Variants in ROBO2 observed in about 807,000 individuals in gnomAD.
The protein encoded by ROBO2 is roundabout guidance receptor 2.
In ROBO2, 53 loss-of-function variants were observed where a neutral mutation model predicts 160.8. That is an observed-to-expected ratio of 0.33 (90% confidence interval 0.26 to 0.41). ROBO2 has a LOEUF of 0.41. ROBO2 is among the 10% of genes least tolerant of loss of function. The pLI, the probability that ROBO2 is intolerant of heterozygous loss-of-function variation, is 1.00. For synonymous variants in ROBO2, 664 were observed against 611.7 expected (o/e 1.09, Z -1.26); for missense variants, 1,577 against 1,722.4 (o/e 0.92, Z 1.49).
At chr3:76,358,554 G>A (rs1259539028) in intron 2 of ROBO2, among the ~76,000 whole-genome samples, 1 of 151,972 alleles carries the variant, frequency 6.6e-6, no homozygotes, top group East Asian at 1.9e-4. Context: ...AATAAAGCAT[G>A]TTAGGATATT....
Position 76,336,419 on chromosome 3 carries a change from G to A in ROBO2, c.109+398817G>A, listed in dbSNP as rs564061444. On this transcript the variant is annotated intron_variant, in intron 2 of 26. Coordinates refer to the ROBO2 transcript ENST00000487694. The stretch of plus-strand genomic sequence containing the variant: ...CTATAAAGGAATAAGAAAATGGGTA[G>A]TGGTGGATAAATGGCAGTCTCTGCT... Among the ~76,000 whole-genome samples the A allele has an allele frequency of 2.7e-4, 41 of 152,318 alleles. 1 individual carries two copies. The highest frequency in any genetic ancestry group is 9.6e-4 in the African/African-American group (40 of 41,576).
chr3:77,128,784 A>G lies in ROBO2; in HGVS notation c.388+30444A>G, dbSNP rs181216184. Among the ~76,000 whole-genome samples, 387 of 152,322 alleles carry G rather than the reference A, an allele frequency of 2.5e-3. 1 individual carries two copies. Among genetic ancestry groups the G allele is most frequent in the African/African-American group, 9.0e-3 (374 of 41,576 alleles). ...TATGAACTATGAAGAACATACCGTG[A>G]TACAAATCCTTGTGCTCAACCTTGG... On this transcript the variant is annotated intron_variant, in intron 2 of 25. Transcript: ENST00000461745.
At chr3:76,436,176 A>C (rs1387723188) in intron 2 of ROBO2, among the ~76,000 whole-genome samples, 1 of 150,650 alleles carries the variant, frequency 6.6e-6, no homozygotes, top group Admixed American at 6.6e-5. Context: ...ACACACACAC[A>C]CACACCATTT....
chr3:76,058,066 A>G (rs2107855739), intron 2 of ROBO2, among the ~76,000 whole-genome samples: 1 of 151,222 alleles, frequency 6.6e-6, no homozygotes, highest in South Asian at 2.1e-4. Flanking sequence ...TATAAGGTTC[A>G]GAATTGTACT....
At chr3:76,010,486 C>G (rs1340148183) in intron 2 of ROBO2, among the ~76,000 whole-genome samples, 1 of 152,198 alleles carries the variant, frequency 6.6e-6, no homozygotes, top group Non-Finnish European at 1.5e-5. Context: ...CATTCATGAC[C>G]TTCAAACAGC....
chr3:76,005,663 C>G lies in ROBO2; in HGVS notation c.109+68061C>G, dbSNP rs2066000466. ...CCTCTCTATATAGATACCCCTAATT[C>G]AGGCTTCAGGGGCTAATAAGTGTTT... On this transcript the variant is annotated intron_variant, in intron 2 of 26. Transcript: ENST00000487694. Among the ~76,000 whole-genome samples the G allele has an allele frequency of 2.0e-5, 3 of 152,142 alleles. No individual in the cohort carries two copies. The South Asian group carries it at 6.2e-4, about 32-fold the overall frequency.
At chr3:77,215,106 C>T (rs1204408464) in intron 2 of ROBO2, among the ~76,000 whole-genome samples, 1 of 152,062 alleles carries the variant, frequency 6.6e-6, no homozygotes, top group Non-Finnish European at 1.5e-5. Context: ...CTCTGTATTT[C>T]CTGAATTTGA....
intron 2 of ROBO2, chr3:77,316,744 G>T (rs2064033847): frequency 1.1e-6 from 1 of 943,804 alleles, no homozygotes; most frequent in African/African-American, 1.6e-5. Context: ...CAATTGTATG[G>T]TATTCATTCA....
At chr3:76,622,273 A>AGAAG (rs2089249177) in intron 2 of ROBO2, among the ~76,000 whole-genome samples, 53 of 55,072 alleles carry the variant, frequency 9.6e-4, no homozygotes, top group East Asian at 2.8e-3. Flanking sequence ...AAAGAAAGAA[A>AGAAG]GAAAGAAAGA....
intron 1 of ROBO2, among the ~76,000 whole-genome samples, chr3:77,091,772 G>T (rs1416187594): frequency 6.6e-6 from 1 of 151,846 alleles, no homozygotes; most frequent in Non-Finnish European, 1.5e-5. Flanking sequence ...TGAGGCCAGG[G>T]GTTCGAGACC....
exon 22 of ROBO2, chr3:77,617,569 G>C: frequency 6.2e-7 from 1 of 1,614,148 alleles, no homozygotes; most frequent in Non-Finnish European, 8.5e-7. Flanking sequence ...TTACACCAAG[G>C]TCTGGAAGAT....
chr3:76,812,864 G>A (rs1289499351), intron 2 of ROBO2, among the ~76,000 whole-genome samples: 2 of 141,392 alleles, frequency 1.4e-5, no homozygotes, highest in Non-Finnish European at 3.0e-5. Flanking sequence ...CCAATTAAAT[G>A]TAATCTGTTT....
intron 2 of ROBO2, among the ~76,000 whole-genome samples, chr3:76,439,848 G>A (rs2076844398): frequency 6.6e-6 from 1 of 152,178 alleles, no homozygotes; most frequent in African/African-American, 2.4e-5. Flanking sequence ...TTGAGGGGAT[G>A]TAGTCTTCAC....
intron 2 of ROBO2, among the ~76,000 whole-genome samples, chr3:77,310,571 AAT>A (rs1030750065): frequency 2.6e-5 from 4 of 152,152 alleles, no homozygotes; most frequent in Non-Finnish European, 5.9e-5. Flanking sequence ...GAAAGATATT[AAT>A]TTCCAGACAG....
chr3:76,997,667 T>A (rs975920284), intron 2 of ROBO2, among the ~76,000 whole-genome samples: 1 of 152,158 alleles, frequency 6.6e-6, no homozygotes, highest in Non-Finnish European at 1.5e-5. Flanking sequence ...AGAGAGAAGA[T>A]CGTATAAGTT....
At chr3:77,549,513 T>G (rs2153652377) in intron 7 of ROBO2, among the ~76,000 whole-genome samples, 1 of 152,166 alleles carries the variant, frequency 6.6e-6, no homozygotes, top group Admixed American at 6.6e-5. Flanking sequence ...ATATTGAAAT[T>G]ACATTCCTGA....
At chr3:76,852,995 C>T (rs997066388) in intron 2 of ROBO2, among the ~76,000 whole-genome samples, 2 of 151,984 alleles carry the variant, frequency 1.3e-5, no homozygotes, top group Non-Finnish European at 2.9e-5. Flanking sequence ...ATCTTAGTGA[C>T]TAATCTTTTA....
intron 2 of ROBO2, among the ~76,000 whole-genome samples, chr3:77,254,372 C>T: frequency 6.6e-6 from 1 of 151,984 alleles, no homozygotes; most frequent in Non-Finnish European, 1.5e-5. Flanking sequence ...TTGTCTAATG[C>T]AGTAGATATT....
chr3:76,204,875 G>A (rs1702724724), intron 2 of ROBO2, among the ~76,000 whole-genome samples: 1 of 152,126 alleles, frequency 6.6e-6, no homozygotes, highest in East Asian at 1.9e-4. Flanking sequence ...TTAAAGATTT[G>A]TTTTCTGTGG....
Sources: gnomAD v4.1 joint callset for allele counts (sites outside exome capture counted in the v4.1 genomes callset) on GRCh38, gnomAD v4.1.1 for gene constraint, MANE v1.5 for transcripts, NCBI Gene and HGNC (gene_info 2026-07-23, HGNC 2026-07-21) for gene names.